The following ZNF99 variants were observed in gnomAD, a reference collection of about 807,000 sequenced individuals.
The protein encoded by ZNF99 is zinc finger protein ENSP00000375192.
ZNF99 carries 8 observed loss-of-function variants against 12.8 expected under a neutral mutation model. The ratio of observed to expected loss-of-function variants is 0.62; its 90% CI spans 0.37 to 1.13. ZNF99 has a LOEUF of 1.13. ZNF99 is among the 50% of genes most tolerant of loss of function. The pLI is 0.02. For missense variants in ZNF99, 1,007 were observed against 1,006.2 expected (o/e 1.00, Z -0.01); for synonymous variants, 318 against 319.0 (o/e 1.00, Z 0.03).
chr19:22,776,924 T>C (rs866008406), intron 1 of ZNF99, among the ~76,000 whole-genome samples: 6 of 151,948 alleles, frequency 3.9e-5, no homozygotes, highest in African/African-American at 1.5e-4. Context: ...GGCAGGTAAA[T>C]TGCCTGAGCT....
At chr19:22,779,770 C>T (rs1312457009) in intron 1 of ZNF99, among the ~76,000 whole-genome samples, 2 of 152,110 alleles carry the variant, frequency 1.3e-5, no homozygotes, top group Admixed American at 1.3e-4. Context: ...CCCCTCCGAC[C>T]TCCTCTCTAA....
intron 3 of ZNF99, among the ~76,000 whole-genome samples, chr19:22,765,417 C>A (rs545370199): frequency 4.6e-5 from 7 of 151,758 alleles, no homozygotes; most frequent in African/African-American, 1.5e-4. Context: ...ACAAAAATCC[C>A]ACAAATCACC....
rs919051217 is a variant in ZNF99 at position 22,753,819 on chromosome 19, C to T, written c.*3495G>A. 3.8e-5 allele frequency: 9 copies of T among 238,290 alleles called. No homozygotes were observed. Among genetic ancestry groups the T allele is most frequent in the Non-Finnish European group, 6.8e-5 (8 of 117,446 alleles). The allele number at this position is 238,290 out of a possible 1,614,324, so 14.8% of individuals were successfully genotyped here. A position where few individuals can be genotyped will look rare whatever the true frequency, so the allele number is the denominator to read the frequency against. On this transcript the variant is annotated 3_prime_UTR_variant, in exon 4 of 4. Coordinates refer to ENST00000596209, the MANE Select transcript of ZNF99 (RefSeq NM_001080409.3). ...TTTCAAGTATAAATGCTTTCCTATG[C>T]GATAAGGTGTGAGTATTGGTTAAAT...
chr19:22,779,931 A>G (rs1465493012), intron 1 of ZNF99, among the ~76,000 whole-genome samples: 1 of 152,156 alleles, frequency 6.6e-6, no homozygotes, highest in Non-Finnish European at 1.5e-5. Context: ...TTTATTTTAC[A>G]AAGTCTAGAA....
Position 22,778,270 on chromosome 19 carries a change from G to T in ZNF99, c.3+5744C>A, listed in dbSNP as rs182348910. Among the ~76,000 whole-genome samples, 19 of 152,182 alleles carry T rather than the reference G, an allele frequency of 1.2e-4. No individual in the cohort carries two copies. The East Asian group carries it at 3.7e-3, about 29-fold the overall frequency. ...AGGGTAATGGGCAGTGTGATGGCCT[G>T]TGTACAGAAAAGCAGAGCCTCCCAT... On this transcript the variant is annotated intron_variant, in intron 1 of 3. Transcript: ENST00000596209.
intron 1 of ZNF99, chr19:22,774,444 T>A (rs1349927955): frequency 6.6e-6 from 1 of 152,246 alleles, no homozygotes; most frequent in Non-Finnish European, 1.5e-5. Context: ...ATAATCTGAC[T>A]TTGTTCATAT....
At chr19:22,765,590 A>C (rs1322032578) in intron 3 of ZNF99, among the ~76,000 whole-genome samples, 3 of 151,988 alleles carry the variant, frequency 2.0e-5, no homozygotes, top group African/African-American at 7.2e-5. Flanking sequence ...AATCCATAAT[A>C]CTTGATCAGA....
At chr19:22,781,039 A>G (rs1973381448) in intron 1 of ZNF99, among the ~76,000 whole-genome samples, 1 of 152,198 alleles carries the variant, frequency 6.6e-6, no homozygotes, top group South Asian at 2.1e-4. Context: ...TCCTAAAGTC[A>G]TTCTGGGAAA....
At chr19:22,759,721 G>T in intron 3 of ZNF99, 39 bp from the exon 4 acceptor site, 1 of 1,376,220 alleles carries the variant, frequency 7.3e-7, no homozygotes, top group Non-Finnish European at 9.7e-7. Context: ...TCACTTGCTA[G>T]ACTCAGATGA....
chr19:22,768,444 C>T (rs2145150968), intron 2 of ZNF99, 44 bp from the exon 3 acceptor site: 3 of 1,498,610 alleles, frequency 2.0e-6, no homozygotes, highest in Non-Finnish European at 2.7e-6. Flanking sequence ...CTCATATTCC[C>T]CAAATAATGT....
At chr19:22,774,884 G>T (rs1271664200) in intron 1 of ZNF99, among the ~76,000 whole-genome samples, 3 of 151,810 alleles carry the variant, frequency 2.0e-5, no homozygotes, top group South Asian at 4.2e-4. Context: ...TTAAAAAAAA[G>T]AAAAGAAAAA....
Position 22,755,986 on chromosome 19 carries a change from G to T in ZNF99, c.*1328C>A, listed in dbSNP as rs1973045021. 1 of 613,954 alleles carries T rather than the reference G, an allele frequency of 1.6e-6. No homozygotes were observed. Among genetic ancestry groups the T allele is most frequent in the Non-Finnish European group, 2.8e-6 (1 of 362,714 alleles). The allele number at this position is 613,954 out of a possible 1,614,324, so 38.0% of individuals were successfully genotyped here. On this transcript the variant is annotated 3_prime_UTR_variant, in exon 4 of 4. Transcript: ENST00000596209. ...TCCTCCAGTATCAATTATTTTATGT[G>T]TATTTAAGGTGTGAGGACTGGTTAA...
chr19:22,756,077 A>T lies in ZNF99; in HGVS notation c.*1237T>A, dbSNP rs1452388325. The T allele has an allele frequency of 7.1e-7, 1 of 1,400,232 alleles. No homozygotes were observed. Among genetic ancestry groups the T allele is most frequent in the African/African-American group, 1.4e-5 (1 of 70,392 alleles). The allele number at this position is 1,400,232 out of a possible 1,614,324, so 86.7% of individuals were successfully genotyped here. ...AGCATGAATTGTTTTCTGCCTATTA[A>T]GGCTTGAGGACTGGTTAAAAGCTTT... On this transcript the variant is annotated 3_prime_UTR_variant, in exon 4 of 4. Coordinates refer to ENST00000596209, the MANE Select transcript of ZNF99 (RefSeq NM_001080409.3).
intron 1 of ZNF99, among the ~76,000 whole-genome samples, chr19:22,782,272 G>T (rs1568389425): frequency 6.6e-6 from 1 of 152,112 alleles, no homozygotes; most frequent in Non-Finnish European, 1.5e-5. Flanking sequence ...GGGAAAATCA[G>T]TCATCTGAGG....
intron 1 of ZNF99, among the ~76,000 whole-genome samples, chr19:22,775,424 C>G (rs1460361494): frequency 6.6e-6 from 1 of 152,110 alleles, no homozygotes; most frequent in Admixed American, 6.5e-5. Flanking sequence ...GAATTAAAGC[C>G]TTAAATGTAA....
rs1020043328 is a variant in ZNF99, at chr19:22,752,382, T to C, written c.*4932A>G. 4 of 152,038 alleles carry C rather than the reference T, an allele frequency of 2.6e-5. No individual in the cohort carries two copies. Among genetic ancestry groups the C allele is most frequent in the Non-Finnish European group, 2.9e-5 (2 of 68,016 alleles). The allele number at this position is 152,038 out of a possible 1,614,324, so 9.4% of individuals were successfully genotyped here. A position where few individuals can be genotyped will look rare whatever the true frequency, so the allele number is the denominator to read the frequency against. ...CCTGACGTGATTATTACATATTTTA[T>C]GCTGGTATCAAAATATGCTATATAT... On this transcript the variant is annotated 3_prime_UTR_variant, in exon 4 of 4. Transcript: ENST00000596209.
At chr19:22,775,719 C>A (rs576692255) in intron 1 of ZNF99, among the ~76,000 whole-genome samples, 160 of 152,308 alleles carry the variant, frequency 1.1e-3, no homozygotes, top group African/African-American at 3.7e-3. Context: ...AAACAAACAA[C>A]CTCCTTAAAA....
In ZNF99 at chr19:22,755,031, A is replaced by G. The variant is rs1973029436; in HGVS notation, c.*2283T>C. 5.9e-6 allele frequency: 1 copy of G among 169,502 alleles called. No homozygotes were observed. Among genetic ancestry groups the G allele is most frequent in the African/African-American group, 2.5e-5 (1 of 40,710 alleles). The allele number at this position is 169,502 out of a possible 1,614,324, so 10.5% of individuals were successfully genotyped here. ...GGTTGCAGTGAGCCGAGATTGTGCCACTGCACTCCAGAGCCTGGGCAACTA... is the reference window on the plus strand; with the variant it reads ...GGTTGCAGTGAGCCGAGATTGTGCCGCTGCACTCCAGAGCCTGGGCAACTA... On this transcript the variant is annotated 3_prime_UTR_variant, in exon 4 of 4. Coordinates refer to ENST00000596209, the MANE Select transcript of ZNF99 (RefSeq NM_001080409.3).
chr19:22,763,904 CTTTTTTTTTT>C (rs965211065), intron 3 of ZNF99, among the ~76,000 whole-genome samples: 7 of 101,684 alleles, frequency 6.9e-5, no homozygotes, highest in African/African-American at 2.8e-4. Flanking sequence ...TTTTTCTTTC[CTTTTTTTTTT>C]TTTTTTTTTT....
Sources: gnomAD v4.1 joint callset for allele counts (sites outside exome capture counted in the v4.1 genomes callset) on GRCh38, gnomAD v4.1.1 for gene constraint, MANE v1.5 for transcripts, NCBI Gene and HGNC (gene_info 2026-07-23, HGNC 2026-07-21) for gene names.